IGF1: variants seen among roughly 807,000 people sequenced by gnomAD.
The protein encoded by IGF1 is insulin-like growth factor 1.
Under a neutral mutation model 13.8 loss-of-function variants are expected in IGF1, and 4 were observed. That is an observed-to-expected ratio of 0.29 (90% CI 0.14 to 0.66). IGF1 has a LOEUF of 0.66. Ranked by LOEUF, IGF1 falls within the 30% of genes least tolerant of loss-of-function variation. The pLI, the probability that IGF1 is intolerant of heterozygous loss-of-function variation, is 0.78. For synonymous variants in IGF1, 76 were observed against 72.6 expected (o/e 1.05, Z -0.23); for missense variants, 124 against 188.5 (o/e 0.66, Z 2.00).
intron 2 of IGF1, among the ~76,000 whole-genome samples, chr12:102,468,745 C>T (rs1485626071): frequency 2.6e-5 from 4 of 152,230 alleles, no homozygotes; most frequent in Non-Finnish European, 5.9e-5. Flanking sequence ...AGGGCGGCAG[C>T]TCAATGCGAA....
chr12:102,443,851 G>A (rs5742647), intron 2 of IGF1, among the ~76,000 whole-genome samples: 41 of 151,940 alleles, frequency 2.7e-4, no homozygotes, highest in African/African-American at 6.5e-4. Flanking sequence ...TTGAGACAGC[G>A]TCTCACTCTG....
At chr12:102,478,613 A>T in intron 1 of IGF1, 1 of 1,540,866 alleles carries the variant, frequency 6.5e-7, no homozygotes, top group Non-Finnish European at 8.8e-7. Context: ...GGGGTTTGTG[A>T]AAGCATCTAG....
chr12:102,414,147 T>C (rs1048327356), intron 3 of IGF1, among the ~76,000 whole-genome samples: 1 of 152,134 alleles, frequency 6.6e-6, no homozygotes, highest in Non-Finnish European at 1.5e-5. Flanking sequence ...TGCTGTAATA[T>C]GTGTCTCTGA....
chr12:102,449,430 A>G (rs1363901781), intron 2 of IGF1, among the ~76,000 whole-genome samples: 1 of 152,018 alleles, frequency 6.6e-6, no homozygotes, highest in African/African-American at 2.4e-5. Flanking sequence ...GCATTAAGAG[A>G]AATACCTAAT....
intron 2 of IGF1, among the ~76,000 whole-genome samples, chr12:102,432,634 A>G (rs1876837470): frequency 6.6e-6 from 1 of 152,210 alleles, no homozygotes; most frequent in Admixed American, 6.5e-5. Flanking sequence ...GTTTTCAATT[A>G]CTAGTGCAGT....
intron 2 of IGF1, among the ~76,000 whole-genome samples, chr12:102,424,891 T>C (rs889092302): frequency 1.3e-5 from 2 of 152,236 alleles, no homozygotes; most frequent in Non-Finnish European, 2.9e-5. Context: ...TATTTTGCCT[T>C]TAAATTTTTG....
intron 2 of IGF1, among the ~76,000 whole-genome samples, chr12:102,442,193 C>G (rs977556166): frequency 1.3e-5 from 2 of 151,398 alleles, no homozygotes; most frequent in East Asian, 3.9e-4. Flanking sequence ...AAGCAATTTT[C>G]CTGCCTTGGC....
chr12:102,463,185 A>G (rs1328303381), intron 2 of IGF1: 1 of 152,220 alleles, frequency 6.6e-6, no homozygotes, highest in Non-Finnish European at 1.5e-5. Context: ...AAATTACCCC[A>G]AAAAGAAATT....
chr12:102,418,117 G>T, intron 3 of IGF1: 1 of 1,123,840 alleles, frequency 8.9e-7, no homozygotes, highest in Non-Finnish European at 1.3e-6. Flanking sequence ...ACTCATGCTG[G>T]AGAGGGGTCT....
chr12:102,454,816 A>G (rs1365208757), intron 2 of IGF1, among the ~76,000 whole-genome samples: 4 of 152,232 alleles, frequency 2.6e-5, no homozygotes, highest in Non-Finnish European at 5.9e-5. Context: ...AGGGAAGAAG[A>G]AGGCTTTCCT....
At position 102,399,459 on chromosome 12, in the gene IGF1, G is replaced by A. The variant is rs939421391; in HGVS notation, c.*3048C>T. 1.3e-5 allele frequency: 2 copies of A among 151,986 alleles called. No homozygotes were observed. Among genetic ancestry groups the A allele is most frequent in the African/African-American group, 4.8e-5 (2 of 41,374 alleles). The allele number at this position is 151,986 out of a possible 1,614,324, so 9.4% of individuals were successfully genotyped here. ...CTGAAGCAAAGCTTGTAAAGTTTTG[G>A]GTTGTGACATTTTGGTTGCTCCTTT... On this transcript the variant is annotated 3_prime_UTR_variant, in exon 4 of 4. Transcript: ENST00000337514.
At chr12:102,479,745 TTACTC>T (rs1459185018) in intron 1 of IGF1, among the ~76,000 whole-genome samples, 1 of 151,288 alleles carries the variant, frequency 6.6e-6, no homozygotes, top group Non-Finnish European at 1.5e-5. Context: ...AAATTACACT[TTACTC>T]TAACTTTAAC....
chr12:102,416,283 A>C (rs1345497603), intron 3 of IGF1, among the ~76,000 whole-genome samples: 4 of 152,194 alleles, frequency 2.6e-5, no homozygotes, highest in African/African-American at 9.6e-5. Flanking sequence ...TCTAATTCAC[A>C]ACTTGGAGGA....
At chr12:102,423,895 C>T (rs1304412772) in intron 2 of IGF1, among the ~76,000 whole-genome samples, 7 of 152,136 alleles carry the variant, frequency 4.6e-5, no homozygotes, top group Non-Finnish European at 8.8e-5. Context: ...TCTGGTTGTT[C>T]ATCACTGGCA....
intron 2 of IGF1, among the ~76,000 whole-genome samples, chr12:102,420,715 G>A (rs992347161): frequency 6.6e-6 from 1 of 152,176 alleles, no homozygotes. Flanking sequence ...CATCTTTCAT[G>A]TGATTCTGTT....
chr12:102,418,284 A>G (rs1875346250), intron 3 of IGF1, among the ~76,000 whole-genome samples: 1 of 152,172 alleles, frequency 6.6e-6, no homozygotes, highest in Non-Finnish European at 1.5e-5. Flanking sequence ...TGCCACATTC[A>G]CCTAAAAGTC....
Position 102,453,315 on chromosome 12 carries a change from T to C in IGF1, c.220+22328A>G, listed in dbSNP as rs17882221. Among the ~76,000 whole-genome samples the C allele has an allele frequency of 2.7e-3, 410 of 152,296 alleles. 1 individual carries two copies. The highest frequency in any genetic ancestry group is 4.5e-3 in the Non-Finnish European group (305 of 68,018). ...CCCTATAGAGCTTGGCATTTGTTTG[T>C]TTGTTTTGCTTTGTTTTGAATTTGG... On this transcript the variant is annotated intron_variant, in intron 2 of 3. Transcript: ENST00000337514.
intron 2 of IGF1, among the ~76,000 whole-genome samples, chr12:102,435,222 C>T (rs1191342696): frequency 3.3e-5 from 5 of 152,206 alleles, no homozygotes; most frequent in Admixed American, 6.5e-5. Context: ...TGTGAGGAAG[C>T]TCCTTAACCT....
intron 2 of IGF1, among the ~76,000 whole-genome samples, chr12:102,426,721 A>C (rs1321977591): frequency 6.6e-6 from 1 of 152,184 alleles, no homozygotes; most frequent in Non-Finnish European, 1.5e-5. Context: ...TTTTGGTATT[A>C]ATATCAATGC....
Sources: allele counts gnomAD v4.1 joint callset (sites outside exome capture counted in the v4.1 genomes callset), GRCh38; gene constraint gnomAD v4.1.1; transcripts MANE v1.5; gene names NCBI Gene and HGNC (gene_info 2026-07-23, HGNC 2026-07-21).